The following PCCB variants were observed in gnomAD, a reference collection of about 807,000 sequenced individuals.
PCCB encodes propionyl-CoA carboxylase subunit beta.
Under a neutral mutation model 60.7 loss-of-function variants are expected in PCCB, and 43 were observed. The observed-to-expected ratio is 0.71, with a 90% CI of 0.55 to 0.91. The LOEUF (loss-of-function observed/expected upper bound fraction) is 0.91. Ranked by LOEUF, PCCB falls within the 40% of genes least tolerant of loss-of-function variation. PCCB has a pLI of 0.00. For synonymous variants in PCCB, 276 were observed against 255.9 expected (o/e 1.08, Z -0.75); for missense variants, 766 against 702.8 (o/e 1.09, Z -1.02).
intron 5 of PCCB, among the ~76,000 whole-genome samples, chr3:136,265,950 C>G (rs578116330): frequency 3.3e-5 from 5 of 151,718 alleles, no homozygotes; most frequent in Non-Finnish European, 2.9e-5. Context: ...CTGAGCCTCC[C>G]GAGTAGCTGG....
At chr3:136,251,094 T>C in intron 1 of PCCB, 1 of 368,668 alleles carries the variant, frequency 2.7e-6, no homozygotes, top group Non-Finnish European at 5.5e-6. Context: ...CTGGTCGAGC[T>C]CTTTAGGGCC....
chr3:136,322,893 T>C (rs1432903127), intron 10 of PCCB, among the ~76,000 whole-genome samples: 1 of 152,196 alleles, frequency 6.6e-6, no homozygotes, highest in Non-Finnish European at 1.5e-5. Flanking sequence ...TTGACACTTT[T>C]ATTCTTTTAG....
chr3:136,264,440 G>GTGTGTGTA, intron 5 of PCCB, among the ~76,000 whole-genome samples: 2 of 123,778 alleles, frequency 1.6e-5, no homozygotes, highest in African/African-American at 3.0e-5. Flanking sequence ...ATGTGTGTGT[G>GTGTGTGTA]TATATATGTA....
At chr3:136,317,775 C>T (rs551062676) in intron 10 of PCCB, among the ~76,000 whole-genome samples, 18 of 152,204 alleles carry the variant, frequency 1.2e-4, no homozygotes, top group Admixed American at 5.9e-4. Context: ...ATAGATGGTA[C>T]GTGACAAGTT....
rs757845027 is a variant in PCCB at position 136,293,845 on chromosome 3, G to C, written c.744G>C (p.Lys248Asn). The C allele has an allele frequency of 2.4e-5, 38 of 1,599,436 alleles. No homozygotes were observed. The South Asian group carries it at 4.2e-4, about 18-fold the overall frequency. Reference sequence around the variant, plus strand: ...CCCAGGAGGAGCTCGGTGGTGCCAAGACCCACACCACCATGTCAGGTGAGA... The same window carrying C: ...CCCAGGAGGAGCTCGGTGGTGCCAACACCCACACCACCATGTCAGGTGAGA... ...DVTQEELGGA[K>N]THTTMSGVAH... The change falls in exon 7 of 15, where the codon AAG becomes AAC. Residue 248 changes from lysine (K) to asparagine (N), a missense_variant. Physicochemically the swap from Lys to Asn is moderately conservative, Grantham distance 94 (BLOSUM62 0). Transcript: ENST00000251654.
chr3:136,262,439 T>C (rs1267586046), intron 5 of PCCB, among the ~76,000 whole-genome samples: 1 of 152,238 alleles, frequency 6.6e-6, no homozygotes, highest in Non-Finnish European at 1.5e-5. Context: ...TTTTATTTTT[T>C]AGTTAAAACA....
In PCCB at chr3:136,330,111, G is replaced by A; in HGVS notation, c.*85G>A. 2 of 1,606,000 alleles carry A rather than the reference G, an allele frequency of 1.2e-6. No individual in the cohort carries two copies. Among genetic ancestry groups the A allele is most frequent in the Non-Finnish European group, 1.7e-6 (2 of 1,175,224 alleles). ...CCTGCCTTTTGCAATCATGAAACCT[G>A]GGAATCCAAATAGTTGGATAACTTA... is the stretch of plus-strand genomic sequence containing the variant. On this transcript the variant is annotated 3_prime_UTR_variant, in exon 15 of 15. Transcript: ENST00000251654.
chr3:136,326,784 A>G lies in PCCB; in HGVS notation c.1091-19A>G. 6.6e-7 allele frequency: 1 copy of G among 1,505,478 alleles called. No homozygotes were observed. Among genetic ancestry groups the G allele is most frequent in the Non-Finnish European group, 9.3e-7 (1 of 1,080,866 alleles). 93.3% of individuals were successfully genotyped at this position (1,505,478 alleles called of 1,614,324 possible). A position where few individuals can be genotyped will look rare whatever the true frequency, so the allele number is the denominator to read the frequency against. On this transcript the variant is annotated intron_variant, in intron 10 of 14. Coordinates refer to ENST00000251654, the MANE Select transcript of PCCB (RefSeq NM_000532.5). ...GGAATTGCCTGGATACTCAGTATGG[A>G]TAATCTCTCTCTTTCTAGGATGCTT...
At chr3:136,280,804 C>T (rs1012672494) in intron 5 of PCCB, among the ~76,000 whole-genome samples, 2 of 152,132 alleles carry the variant, frequency 1.3e-5, no homozygotes, top group African/African-American at 4.8e-5. Flanking sequence ...AGTAGAACAC[C>T]ACTATGCCCG....
At chr3:136,291,126 C>A (rs577391205) in intron 6 of PCCB, among the ~76,000 whole-genome samples, 1 of 151,896 alleles carries the variant, frequency 6.6e-6, no homozygotes, top group Admixed American at 6.6e-5. Context: ...CCATGAGAGC[C>A]CTTAAACCAT....
At chr3:136,274,557 T>G (rs1942292529) in intron 5 of PCCB, among the ~76,000 whole-genome samples, 1 of 152,214 alleles carries the variant, frequency 6.6e-6, no homozygotes, top group Non-Finnish European at 1.5e-5. Context: ...CTTAGGATTC[T>G]TTCCTTCATG....
At chr3:136,292,732 TTAGA>T (rs933770499) in intron 6 of PCCB, among the ~76,000 whole-genome samples, 5 of 151,674 alleles carry the variant, frequency 3.3e-5, no homozygotes, top group Non-Finnish European at 5.9e-5. Flanking sequence ...AGTGTTTGTG[TTAGA>T]TAATGTTTGT....
chr3:136,278,786 C>T (rs1184991771), intron 5 of PCCB, among the ~76,000 whole-genome samples: 1 of 152,102 alleles, frequency 6.6e-6, no homozygotes, highest in African/African-American at 2.4e-5. Flanking sequence ...GGAGTGTTCT[C>T]TATAGGTCTT....
Position 136,250,628 on chromosome 3 carries a change from C to T in PCCB, c.183+70C>T, listed in dbSNP as rs1941489123. ...GACCTATCACTGCGTGCCCGGCTTGCGGCGTCCGAGGCCTCCCTGCCAATC... is the reference window on the plus strand; with the variant it reads ...GACCTATCACTGCGTGCCCGGCTTGTGGCGTCCGAGGCCTCCCTGCCAATC... On this transcript the variant is annotated intron_variant, in intron 1 of 14. Coordinates refer to ENST00000251654, the MANE Select transcript of PCCB (RefSeq NM_000532.5). 1.2e-5 allele frequency: 18 copies of T among 1,475,988 alleles called. No homozygotes were observed. In the South Asian group the frequency reaches 1.6e-4, roughly 13 times the overall value. 91.4% of individuals were successfully genotyped at this position (1,475,988 alleles called of 1,614,324 possible). A position where few individuals can be genotyped will look rare whatever the true frequency, so the allele number is the denominator to read the frequency against.
At chr3:136,290,757 A>T (rs184104953) in intron 6 of PCCB, among the ~76,000 whole-genome samples, 96 of 136,032 alleles carry the variant, frequency 7.1e-4, no homozygotes, top group African/African-American at 2.6e-3. Context: ...AATTTGGGGA[A>T]CTTTTCTGTC....
intron 10 of PCCB, among the ~76,000 whole-genome samples, chr3:136,323,160 G>A (rs1007493672): frequency 5.3e-5 from 8 of 151,840 alleles, no homozygotes; most frequent in Admixed American, 4.6e-4. Flanking sequence ...GGAAGTTTTC[G>A]GACATTATTT....
chr3:136,275,533 GGTTCTTTCTC>G (rs1942313605), intron 5 of PCCB, among the ~76,000 whole-genome samples: 1 of 151,696 alleles, frequency 6.6e-6, no homozygotes, highest in African/African-American at 2.4e-5. Context: ...TTACTTTTCT[GGTTCTTTCTC>G]GTTTGTGTAG....
intron 8 of PCCB, among the ~76,000 whole-genome samples, chr3:136,300,579 A>G (rs1934228760): frequency 6.6e-6 from 1 of 152,222 alleles, no homozygotes; most frequent in Non-Finnish European, 1.5e-5. Context: ...TTAGCAGATT[A>G]ACCTAACAGG....
At chr3:136,270,908 C>A (rs1289806629) in intron 5 of PCCB, among the ~76,000 whole-genome samples, 1 of 152,056 alleles carries the variant, frequency 6.6e-6, no homozygotes, top group African/African-American at 2.4e-5. Flanking sequence ...CATTTTGTTT[C>A]ATGTTTGTTG....
Sources: allele counts gnomAD v4.1 joint callset (sites outside exome capture counted in the v4.1 genomes callset), GRCh38; gene constraint gnomAD v4.1.1; transcripts MANE v1.5; gene names NCBI Gene and HGNC (gene_info 2026-07-23, HGNC 2026-07-21).